IMMP2L: variants seen among roughly 807,000 people sequenced by gnomAD.
IMMP2L encodes mitochondrial inner membrane protease subunit 2.
In IMMP2L, 18 loss-of-function variants were observed where a neutral mutation model predicts 19.3. The ratio of observed to expected loss-of-function variants is 0.93; its 90% CI spans 0.64 to 1.38. IMMP2L has a LOEUF of 1.38. IMMP2L is among the 40% of genes most tolerant of loss of function. IMMP2L has a pLI of 0.00. For synonymous variants in IMMP2L, 76 were observed against 73.0 expected (o/e 1.04, Z -0.21); for missense variants, 233 against 218.2 (o/e 1.07, Z -0.43).
intron 3 of IMMP2L, among the ~76,000 whole-genome samples, chr7:111,224,054 G>A (rs937850818): frequency 6.6e-6 from 1 of 152,098 alleles, no homozygotes; most frequent in Non-Finnish European, 1.5e-5. Flanking sequence ...TCTCAATTCT[G>A]TTCTGCCACT....
At chr7:110,895,983 C>T (rs537962619) in intron 4 of IMMP2L, among the ~76,000 whole-genome samples, 2 of 151,910 alleles carry the variant, frequency 1.3e-5, no homozygotes, top group South Asian at 2.1e-4. Context: ...CACCATGCCC[C>T]GCTAATTAAA....
At chr7:111,205,515 C>G (rs1031804317) in intron 3 of IMMP2L, among the ~76,000 whole-genome samples, 1 of 152,256 alleles carries the variant, frequency 6.6e-6, no homozygotes, top group East Asian at 1.9e-4. Flanking sequence ...GGACCTTATA[C>G]AGATTAAAGG....
At chr7:111,050,520 T>TTAA (rs1388133618) in intron 3 of IMMP2L, among the ~76,000 whole-genome samples, 1 of 152,214 alleles carries the variant, frequency 6.6e-6, no homozygotes, top group East Asian at 1.9e-4. Flanking sequence ...TTTAGGTATG[T>TTAA]TAATGTTAAA....
chr7:111,186,591 G>A (rs758746792), intron 3 of IMMP2L, among the ~76,000 whole-genome samples: 20 of 151,952 alleles, frequency 1.3e-4, no homozygotes, highest in African/African-American at 1.9e-4. Context: ...ACCAAGCCTG[G>A]CTAATTTTTT....
At chr7:111,223,017 T>C (rs1361211988) in intron 3 of IMMP2L, among the ~76,000 whole-genome samples, 1 of 151,914 alleles carries the variant, frequency 6.6e-6, no homozygotes. Context: ...CATATATAAA[T>C]ATGAATGATC....
chr7:110,890,705 T>C lies in IMMP2L; in HGVS notation c.306-4010A>G, dbSNP rs543050313. On this transcript the variant is annotated intron_variant, in intron 4 of 5. Transcript: ENST00000405709. Reference sequence around the variant, plus strand: ...TATGACTTGCAAATAATTTTGGTTTTGACAGTCAAAAATGAGCTCTGTATG... The same window carrying C: ...TATGACTTGCAAATAATTTTGGTTTCGACAGTCAAAAATGAGCTCTGTATG... Among the ~76,000 whole-genome samples the C allele has an allele frequency of 2.0e-5, 3 of 152,288 alleles. No individual in the cohort carries two copies. The South Asian group carries it at 6.2e-4, about 32-fold the overall frequency.
chr7:111,231,546 G>GT (rs1266097901), intron 3 of IMMP2L, among the ~76,000 whole-genome samples: 6 of 151,560 alleles, frequency 4.0e-5, no homozygotes, highest in Admixed American at 2.6e-4. Flanking sequence ...TTGCTGCCTG[G>GT]TTTTTTTTCC....
At chr7:111,510,912 G>C (rs886356397) in intron 2 of IMMP2L, among the ~76,000 whole-genome samples, 13 of 151,992 alleles carry the variant, frequency 8.6e-5, no homozygotes, top group African/African-American at 2.9e-4. Context: ...CCTCTCCTCT[G>C]TCTGCTCTAG....
At chr7:110,704,809 T>A (rs1210037409) in intron 5 of IMMP2L, among the ~76,000 whole-genome samples, 1 of 152,174 alleles carries the variant, frequency 6.6e-6, no homozygotes, top group East Asian at 1.9e-4. Flanking sequence ...AATTACCCAG[T>A]TGGGAGGTTA....
intron 5 of IMMP2L, among the ~76,000 whole-genome samples, chr7:110,809,779 T>C (rs1404847766): frequency 6.6e-6 from 1 of 152,014 alleles, no homozygotes; most frequent in Non-Finnish European, 1.5e-5. Context: ...TTCATGAGTT[T>C]TAAACAACAA....
chr7:110,698,024 C>T, intron 5 of IMMP2L, among the ~76,000 whole-genome samples: 1 of 152,042 alleles, frequency 6.6e-6, no homozygotes, highest in East Asian at 1.9e-4. Context: ...TCAAAACATT[C>T]ATTATAAAAA....
chr7:111,327,628 C>T (rs1825457004), intron 3 of IMMP2L, among the ~76,000 whole-genome samples: 1 of 151,394 alleles, frequency 6.6e-6, no homozygotes, highest in Non-Finnish European at 1.5e-5. Flanking sequence ...CACAAATGTG[C>T]TATTTGTGCA....
At chr7:111,090,524 C>G (rs907098082) in intron 3 of IMMP2L, among the ~76,000 whole-genome samples, 5 of 150,252 alleles carry the variant, frequency 3.3e-5, no homozygotes, top group African/African-American at 1.2e-4. Flanking sequence ...AGTACCCCCT[C>G]AAATGCCAAT....
intron 5 of IMMP2L, among the ~76,000 whole-genome samples, chr7:110,693,179 T>C (rs1241039696): frequency 1.3e-5 from 2 of 152,222 alleles, no homozygotes; most frequent in African/African-American, 4.8e-5. Flanking sequence ...ATGAGTTACA[T>C]GATATATACT....
At chr7:110,813,438 T>C (rs1802193355) in intron 5 of IMMP2L, among the ~76,000 whole-genome samples, 1 of 151,876 alleles carries the variant, frequency 6.6e-6, no homozygotes, top group Non-Finnish European at 1.5e-5. Flanking sequence ...CTTTCTTTTT[T>C]TTTTTTTGAG....
At chr7:110,746,936 A>G (rs1327386729) in intron 5 of IMMP2L, among the ~76,000 whole-genome samples, 1 of 152,090 alleles carries the variant, frequency 6.6e-6, no homozygotes, top group Admixed American at 6.6e-5. Flanking sequence ...GACACAAAAA[A>G]CCCTTCAAAA....
At chr7:111,141,272 A>C (rs1802856557) in intron 3 of IMMP2L, among the ~76,000 whole-genome samples, 1 of 144,674 alleles carries the variant, frequency 6.9e-6, no homozygotes, top group Non-Finnish European at 1.5e-5. Context: ...TTGAAATAAT[A>C]CTACAAAGAA....
At chr7:111,372,167 G>C (rs1408208220) in intron 3 of IMMP2L, among the ~76,000 whole-genome samples, 1 of 151,922 alleles carries the variant, frequency 6.6e-6, no homozygotes, top group Non-Finnish European at 1.5e-5. Flanking sequence ...ACAAATGCTT[G>C]AGGAAATGGA....
At chr7:111,001,192 T>C (rs976056618) in intron 3 of IMMP2L, among the ~76,000 whole-genome samples, 2 of 152,202 alleles carry the variant, frequency 1.3e-5, no homozygotes, top group Non-Finnish European at 2.9e-5. Flanking sequence ...AAATCTCCTA[T>C]ACAGGTGCTA....
Sources: gnomAD v4.1 joint callset for allele counts (sites outside exome capture counted in the v4.1 genomes callset) on GRCh38, gnomAD v4.1.1 for gene constraint, MANE v1.5 for transcripts, NCBI Gene and HGNC (gene_info 2026-07-23, HGNC 2026-07-21) for gene names.